Variants in COL6A5 observed in about 807,000 individuals in gnomAD.
COL6A5 encodes the protein collagen type VI alpha 5 chain, also known as collagen alpha-5(VI) chain.
COL6A5 carries 48 observed loss-of-function variants against 65.6 expected under a neutral mutation model. That is an observed-to-expected ratio of 0.73 (90% CI 0.58 to 0.93). COL6A5 has a LOEUF of 0.93. Among genes scored for constraint, COL6A5 ranks in the 40% least tolerant of loss-of-function variants. The probability of loss-of-function intolerance (pLI) is 0.00; values close to 1 mark genes in which losing one functional copy is unlikely to be tolerated. For missense variants in COL6A5, 914 were observed against 928.3 expected (o/e 0.98, Z 0.20); for synonymous variants, 291 against 322.8 (o/e 0.90, Z 1.05).
intron 7 of COL6A5, among the ~76,000 whole-genome samples, chr3:130,478,068 C>G (rs1710141670): frequency 6.6e-6 from 1 of 152,050 alleles, no homozygotes; most frequent in African/African-American, 2.4e-5. Flanking sequence ...GTCATGTGAT[C>G]TTGGGCATGT....
intron 3 of COL6A5, 121 bp downstream of exon 35, chr3:130,440,946 G>A: frequency 3.8e-6 from 3 of 789,876 alleles, no homozygotes; most frequent in South Asian, 1.9e-5. Flanking sequence ...TAGATGGTGA[G>A]ATAGGGGCAG....
At position 130,453,355 on chromosome 3, in the gene COL6A5, A is replaced by C. The variant is rs562008266; in HGVS notation, c.1333-2100A>C. ...AATCTTCACAATCCACGTTCTTCTGACATGGCTTCAGCGGGTCCCTCCGTT... is the reference window on the plus strand; with the variant it reads ...AATCTTCACAATCCACGTTCTTCTGCCATGGCTTCAGCGGGTCCCTCCGTT... On this transcript the variant is annotated intron_variant, in intron 4 of 7. Transcript: ENST00000512836. Among the ~76,000 whole-genome samples the C allele has an allele frequency of 7.2e-5, 11 of 152,280 alleles. No homozygotes were observed. The East Asian group carries it at 2.1e-3, about 29-fold the overall frequency.
upstream of COL6A5, chr3:130,431,220 T>C (rs1937786866): frequency 4.4e-6 from 3 of 679,858 alleles, no homozygotes; most frequent in Admixed American, 2.0e-5. Flanking sequence ...AGCTGACTGA[T>C]TGATAGTGGG....
At chr3:130,387,926 GTA>G (rs1049947800) in intron 5 of COL6A5, among the ~76,000 whole-genome samples, 11 of 151,360 alleles carry the variant, frequency 7.3e-5, no homozygotes, top group African/African-American at 1.5e-4. Context: ...ACATATGTGT[GTA>G]TATATATGTA....
intron 2 of COL6A5, among the ~76,000 whole-genome samples, chr3:130,439,903 G>A (rs1485163584): frequency 6.6e-6 from 1 of 152,144 alleles, no homozygotes; most frequent in Non-Finnish European, 1.5e-5. Flanking sequence ...TTTCCTAAAT[G>A]AGCTTGGACA....
chr3:130,375,148 T>G lies in COL6A5; in HGVS notation c.68-1089T>G, dbSNP rs556859582. ...TACCAGACTCTTCTTATCTGGCTGA[T>G]GCACCCACCTCCCAGCTACTGTGAA... On this transcript the variant is annotated intron_variant and NMD_transcript_variant, in intron 2 of 41. Transcript: ENST00000312481. 3.9e-5 allele frequency among the ~76,000 whole-genome samples: 6 copies of G among 152,306 alleles called. No individual in the cohort carries two copies. In the South Asian group the frequency reaches 1.2e-3, roughly 32 times the overall value.
At chr3:130,461,343 A>G (rs1351012131) in intron 5 of COL6A5, among the ~76,000 whole-genome samples, 1 of 152,144 alleles carries the variant, frequency 6.6e-6, no homozygotes, top group South Asian at 2.1e-4. Flanking sequence ...CTGATGAACA[A>G]TGAATGAGGA....
intron 7 of COL6A5, 62 bp from the exon 40 acceptor site, chr3:130,471,620 A>T: frequency 7.0e-7 from 1 of 1,433,780 alleles, no homozygotes; most frequent in Non-Finnish European, 9.3e-7. Context: ...GGTGGTATTC[A>T]CATTTAATCT....
intron 17 of COL6A5, among the ~76,000 whole-genome samples, chr3:130,408,800 A>G (rs1034823234): frequency 6.6e-6 from 1 of 152,214 alleles, no homozygotes; most frequent in Non-Finnish European, 1.5e-5. Context: ...TAGAAAAGAA[A>G]CTACGTTGAA....
chr3:130,388,567 TTA>T lies in COL6A5; in HGVS notation c.1862-10_1862-9del. The T allele has an allele frequency of 6.7e-7, 1 of 1,496,846 alleles. No individual in the cohort carries two copies. 92.7% of individuals were successfully genotyped at this position (1,496,846 alleles called of 1,614,324 possible). On this transcript the variant is annotated splice_polypyrimidine_tract_variant and intron_variant and NMD_transcript_variant, in intron 5 of 41. Transcript: ENST00000312481. ...ACCTGGTTATTTCTGGTCTTTTTTT[TTA>T]TAACATGCAGGATGTGAAGACATGA...
intron 6 of COL6A5, among the ~76,000 whole-genome samples, chr3:130,390,488 T>C (rs1173232581): frequency 6.6e-6 from 1 of 151,536 alleles, no homozygotes; most frequent in Non-Finnish European, 1.5e-5. Flanking sequence ...AGGAAAAGAG[T>C]GGGGAAAGAG....
chr3:130,377,924 G>A (rs1261246506), intron 3 of COL6A5, among the ~76,000 whole-genome samples: 2 of 152,142 alleles, frequency 1.3e-5, no homozygotes, highest in African/African-American at 4.8e-5. Flanking sequence ...GTAGATTTAT[G>A]AGGATTAATT....
chr3:130,478,193 T>C (rs1710144590), intron 7 of COL6A5, among the ~76,000 whole-genome samples: 2 of 152,140 alleles, frequency 1.3e-5, no homozygotes, highest in Admixed American at 1.3e-4. Flanking sequence ...AAACAGCTCT[T>C]AGCATAGAGT....
intron 7 of COL6A5, chr3:130,471,705 T>C: frequency 6.5e-7 from 1 of 1,534,774 alleles, no homozygotes; most frequent in African/African-American, 1.4e-5. Flanking sequence ...ATATATGAAA[T>C]AAAGACAGAA....
chr3:130,386,469 A>G (rs553031933), intron 5 of COL6A5, among the ~76,000 whole-genome samples: 2 of 152,218 alleles, frequency 1.3e-5, no homozygotes, highest in South Asian at 4.1e-4. Context: ...AGCCACTGAA[A>G]AACAAAAATA....
chr3:130,402,972 T>C (rs1438897270), intron 12 of COL6A5, among the ~76,000 whole-genome samples: 1 of 152,184 alleles, frequency 6.6e-6, no homozygotes, highest in Non-Finnish European at 1.5e-5. Flanking sequence ...CTGTGATGTT[T>C]TGTTTAGCAC....
intron 8 of COL6A5, among the ~76,000 whole-genome samples, chr3:130,396,167 AAAT>A (rs1269646643): frequency 6.6e-6 from 1 of 152,216 alleles, no homozygotes; most frequent in East Asian, 1.9e-4. Flanking sequence ...CAGCTTCTGT[AAAT>A]TTGAGGCTAG....
At chr3:130,358,138 G>A (rs1244435948) in intron 1 of COL6A5, among the ~76,000 whole-genome samples, 3 of 151,982 alleles carry the variant, frequency 2.0e-5, no homozygotes, top group Non-Finnish European at 4.4e-5. Flanking sequence ...GCAGTGAGCC[G>A]AGATTGCACC....
chr3:130,362,252 T>TTCTCTCTCTCTCTCTCTCTCTCTC lies in COL6A5; in HGVS notation c.-28-11340_-28-11339insCTCTCTCTCTCTCTCTCTCTCTCT, dbSNP rs373519002. ...TTTTTGGGAAGGGTGTAAGGTTTCT[T>TTCTCTCTCTCTCTCTCTCTCTCTC]TCTCTCTCTCTCTCTCTCTTTGTCT... On this transcript the variant is annotated intron_variant and NMD_transcript_variant, in intron 1 of 41. Coordinates refer to the COL6A5 transcript ENST00000312481. Among the ~76,000 whole-genome samples the TTCTCTCTCTCTCTCTCTCTCTCTC allele has an allele frequency of 9.7e-4, 111 of 114,342 alleles. 4 individuals are homozygous for TTCTCTCTCTCTCTCTCTCTCTCTC. The highest frequency in any genetic ancestry group is 9.5e-3 in the East Asian group (32 of 3,362). 75.0% of individuals were successfully genotyped at this position (114,342 alleles called of 152,430 possible). A position where few individuals can be genotyped will look rare whatever the true frequency, so the allele number is the denominator to read the frequency against.
Sources: allele counts gnomAD v4.1 joint callset (sites outside exome capture counted in the v4.1 genomes callset), GRCh38; gene constraint gnomAD v4.1.1; transcripts MANE v1.5; gene names NCBI Gene and HGNC (gene_info 2026-07-23, HGNC 2026-07-21).